The following GNG7 variants were observed in gnomAD, a reference collection of about 807,000 sequenced individuals.
GNG7 encodes the protein G protein subunit gamma 7.
In GNG7, 1 loss-of-function variant was observed where a neutral mutation model predicts 4.0. That is an observed-to-expected ratio of 0.25 (90% CI 0.09 to 1.18). GNG7 has a LOEUF of 1.18. GNG7 is among the 50% of genes most tolerant of loss of function. The pLI, the probability that GNG7 is intolerant of heterozygous loss-of-function variation, is 0.50. For synonymous variants in GNG7, 34 were observed against 36.9 expected, an observed-to-expected ratio of 0.92 and a Z score of 0.29; for missense variants, 86 against 91.9, an observed-to-expected ratio of 0.94 and a Z score of 0.26.
chr19:2,677,067 TC>T (rs1344732324), intron 1 of GNG7, among the ~76,000 whole-genome samples: 1 of 152,104 alleles, frequency 6.6e-6, no homozygotes, highest in East Asian at 1.9e-4. Context: ...CAAATCTGTG[TC>T]ACCACAGAGG....
chr19:2,527,774 A>ACCCC lies in GNG7; in HGVS notation c.-37-7053_-37-7050dup, dbSNP rs59937877. 4.3e-4 allele frequency among the ~76,000 whole-genome samples: 54 copies of ACCCC among 125,102 alleles called. 2 individuals are homozygous for ACCCC. The East Asian group carries it at 6.3e-3, about 15-fold the overall frequency. The allele number at this position is 125,102 out of a possible 152,430, so 82.1% of individuals were successfully genotyped here. On this transcript the variant is annotated intron_variant, in intron 3 of 4. Transcript: ENST00000382159. ...GTCTCCACCCACTCCTTGCCAGGAA[A>ACCCC]CCCCCCCCCCCACCAGTGCGCCCAC...
At chr19:2,691,822 A>T (rs1188289469) in intron 1 of GNG7, among the ~76,000 whole-genome samples, 1 of 149,928 alleles carries the variant, frequency 6.7e-6, no homozygotes, top group Non-Finnish European at 1.5e-5. Context: ...AGCTGAGATC[A>T]TGCCACCGCA....
intron 2 of GNG7, among the ~76,000 whole-genome samples, chr19:2,620,534 A>C (rs1981841495): frequency 6.6e-6 from 1 of 152,162 alleles, no homozygotes; most frequent in Non-Finnish European, 1.5e-5. Context: ...CTTGGGTATG[A>C]GTCCAATGTT....
At chr19:2,647,913 A>G (rs1982708349) in intron 1 of GNG7, among the ~76,000 whole-genome samples, 1 of 151,112 alleles carries the variant, frequency 6.6e-6, no homozygotes, top group African/African-American at 2.4e-5. Context: ...CCGTAATCCC[A>G]GCTACTTGGG....
rs560176305 is a variant in GNG7 at position 2,698,705 on chromosome 19, T to C, written c.-135+3941A>G. Among the ~76,000 whole-genome samples, 4 of 152,286 alleles carry C rather than the reference T, an allele frequency of 2.6e-5. No individual in the cohort carries two copies. In the East Asian group the frequency reaches 7.7e-4, roughly 29 times the overall value. On this transcript the variant is annotated intron_variant, in intron 1 of 4. Transcript: ENST00000382159. ...ACTCTGGATACGATTTTAAAGACCA[T>C]CGCTGCTTCCAGATGGAACTGAAAA...
At chr19:2,661,664 C>A (rs1983182038) in intron 1 of GNG7, among the ~76,000 whole-genome samples, 1 of 113,042 alleles carries the variant, frequency 8.8e-6, no homozygotes, top group East Asian at 2.9e-4. Context: ...CAAAGTGAGA[C>A]TCCATTAAAA....
At chr19:2,579,842 TA>T (rs1980451145) in intron 2 of GNG7, among the ~76,000 whole-genome samples, 1 of 152,052 alleles carries the variant, frequency 6.6e-6, no homozygotes, top group Non-Finnish European at 1.5e-5. Context: ...GAGGGGGTCT[TA>T]AAACCACAGA....
At chr19:2,696,783 G>A (rs980813803) in intron 1 of GNG7, among the ~76,000 whole-genome samples, 1 of 152,230 alleles carries the variant, frequency 6.6e-6, no homozygotes, top group Non-Finnish European at 1.5e-5. Context: ...AGGAGGGAGA[G>A]GCGTGGGTGC....
chr19:2,692,203 T>A (rs1429787469), intron 1 of GNG7, among the ~76,000 whole-genome samples: 1 of 151,664 alleles, frequency 6.6e-6, no homozygotes, highest in Non-Finnish European at 1.5e-5. Flanking sequence ...GGCCTTACTT[T>A]CCGACCACAT....
intron 2 of GNG7, chr19:2,643,418 G>A (rs1982573757): frequency 2.4e-6 from 1 of 417,416 alleles, no homozygotes; most frequent in African/African-American, 2.8e-5. Flanking sequence ...CATGTCCACT[G>A]GAAATGCAAA....
In GNG7 at chr19:2,696,010, A is replaced by C. The variant is rs7248619; in HGVS notation, c.-135+6636T>G. On this transcript the variant is annotated intron_variant, in intron 1 of 4. Transcript: ENST00000382159. ...CCTGTTTCTACTAAACATAAAAATTATCTGGGTGTGGTGGTGCATGCCTGT... is the reference window on the plus strand; with the variant it reads ...CCTGTTTCTACTAAACATAAAAATTCTCTGGGTGTGGTGGTGCATGCCTGT... Among the ~76,000 whole-genome samples, 212 of 151,912 alleles carry C rather than the reference A, an allele frequency of 1.4e-3. 1 individual carries two copies. Among genetic ancestry groups the C allele is most frequent in the African/African-American group, 5.0e-3 (208 of 41,348 alleles).
At chr19:2,524,095 G>A (rs1044101295) in intron 3 of GNG7, among the ~76,000 whole-genome samples, 4 of 152,212 alleles carry the variant, frequency 2.6e-5, no homozygotes, top group Non-Finnish European at 4.4e-5. Flanking sequence ...CGGGCTGGCC[G>A]CACCTCCTGT....
intron 2 of GNG7, among the ~76,000 whole-genome samples, chr19:2,602,640 C>A (rs1015338561): frequency 6.6e-6 from 1 of 152,268 alleles, no homozygotes; most frequent in African/African-American, 2.4e-5. Context: ...ATCGTCACAG[C>A]ATGTGCTACC....
intron 2 of GNG7, among the ~76,000 whole-genome samples, chr19:2,584,623 GGAAGGAAGGAAGGAA>G (rs1980592810): frequency 1.0e-5 from 1 of 97,620 alleles, no homozygotes; most frequent in African/African-American, 4.3e-5. Context: ...GAAGGAAGGA[GGAAGGAAGGAAGGAA>G]GGAGGGAGGG....
chr19:2,685,922 C>T (rs529883193), intron 1 of GNG7, among the ~76,000 whole-genome samples: 1 of 152,276 alleles, frequency 6.6e-6, no homozygotes, highest in East Asian at 1.9e-4. Flanking sequence ...CGAGAGGAGG[C>T]CTGAGCTCTT....
At chr19:2,642,932 C>T (rs1456528455) in intron 2 of GNG7, 2 of 439,292 alleles carry the variant, frequency 4.6e-6, no homozygotes, top group East Asian at 1.5e-4. Flanking sequence ...CAGGAGACCT[C>T]TCCGGGCTCT....
At chr19:2,671,910 G>T (rs1983463140) in intron 1 of GNG7, among the ~76,000 whole-genome samples, 2 of 151,702 alleles carry the variant, frequency 1.3e-5, no homozygotes, top group Non-Finnish European at 2.9e-5. Flanking sequence ...AATTAGCCGG[G>T]CGTGGCAGTG....
Position 2,600,468 on chromosome 19 carries a change from A to AT in GNG7, c.-77-45281dup, listed in dbSNP as rs35232310. Reference sequence around the variant, plus strand: ...GGAAGGAGACCCAGAGTATCTTGGCATTTTTTTTTTTTTTTTTTTGTGAGA... The same window carrying AT: ...GGAAGGAGACCCAGAGTATCTTGGCATTTTTTTTTTTTTTTTTTTTGTGAGA... On this transcript the variant is annotated intron_variant, in intron 2 of 4. Coordinates refer to ENST00000382159, the MANE Select transcript of GNG7 (RefSeq NM_052847.3). 8.6e-3 allele frequency among the ~76,000 whole-genome samples: 1,039 copies of AT among 120,318 alleles called. 9 individuals carry two copies. Among genetic ancestry groups the AT allele is most frequent in the South Asian group, 0.023 (86 of 3,750 alleles). 78.9% of individuals were successfully genotyped at this position (120,318 alleles called of 152,430 possible).
intron 2 of GNG7, among the ~76,000 whole-genome samples, chr19:2,560,642 C>G (rs1347590581): frequency 6.6e-6 from 1 of 152,164 alleles, no homozygotes; most frequent in Non-Finnish European, 1.5e-5. Context: ...TCCACAGGGC[C>G]TGGGGGGACC....
Sources: allele counts gnomAD v4.1 joint callset (sites outside exome capture counted in the v4.1 genomes callset), GRCh38; gene constraint gnomAD v4.1.1; transcripts MANE v1.5; gene names NCBI Gene and HGNC (gene_info 2026-07-23, HGNC 2026-07-21).